APOL3: variants seen among roughly 807,000 people sequenced by gnomAD.
The protein encoded by APOL3 is TNF-inducible protein CG12-1.
A neutral mutation model predicts 11.6 loss-of-function variants in APOL3; 14 were observed. That is an observed-to-expected ratio of 1.21 (90% confidence interval 0.80 to 1.89). The LOEUF (loss-of-function observed/expected upper bound fraction) is 1.89. Ranked by LOEUF, APOL3 falls within the 40% of genes most tolerant of loss-of-function variation. The pLI is 0.00. For missense variants in APOL3, 483 were observed against 492.1 expected (o/e 0.98, Z 0.17); for synonymous variants, 192 against 190.6 (o/e 1.01, Z -0.06).
At position 36,145,454 on chromosome 22, in the gene APOL3, G is replaced by A. The variant is rs1472820055; in HGVS notation, c.350+19C>T. On this transcript the variant is annotated intron_variant, in intron 2 of 2. Coordinates refer to ENST00000349314, the Ensembl canonical transcript of APOL3. ...GGCATAGCCGGGGCGCCCCATGGAG[G>A]TAACCCCACGGAGGTTACCTGGGCA... The A allele has an allele frequency of 1.2e-6, 2 of 1,613,250 alleles. No homozygotes were observed. Among genetic ancestry groups the A allele is most frequent in the Non-Finnish European group, 1.7e-6 (2 of 1,179,548 alleles).
chr22:36,143,345 G>A (rs1435337405), intron 2 of APOL3, among the ~76,000 whole-genome samples: 1 of 152,206 alleles, frequency 6.6e-6, no homozygotes, highest in Non-Finnish European at 1.5e-5. Flanking sequence ...TTTAATCTGT[G>A]TTCTTTCCCT....
At chr22:36,162,387 T>C (rs2013749857), upstream of APOL3, among the ~76,000 whole-genome samples, 1 of 152,238 alleles carries the variant, frequency 6.6e-6, no homozygotes, top group Admixed American at 6.5e-5. Context: ...AAGTTCATTA[T>C]ACCATCATTA....
intron 1 of APOL3, chr22:36,159,471 T>C (rs931472633): frequency 6.6e-6 from 1 of 152,218 alleles, no homozygotes; most frequent in Non-Finnish European, 1.5e-5. Context: ...TCTTCCAGGT[T>C]TGTTTCTGCT....
chr22:36,151,466 T>A (rs1375820196), intron 1 of APOL3, among the ~76,000 whole-genome samples: 1 of 151,982 alleles, frequency 6.6e-6, no homozygotes, highest in Non-Finnish European at 1.5e-5. Context: ...GGAACAAAGA[T>A]GATGGAACAA....
At chr22:36,164,883 A>G (rs2013819567), upstream of APOL3, 1 of 152,184 alleles carries the variant, frequency 6.6e-6, no homozygotes, top group Admixed American at 6.5e-5. Flanking sequence ...GTGTTCCCCC[A>G]TTACATGAAC....
chr22:36,147,021 G>A lies in APOL3; in HGVS notation c.224-1422C>T, dbSNP rs985377499. Reference sequence around the variant, plus strand: ...AAGGAGAAATTGAGACCCAGACAGCGAAAGACACCACCCAACCCAGCAAGC... The same window carrying A: ...AAGGAGAAATTGAGACCCAGACAGCAAAAGACACCACCCAACCCAGCAAGC... On this transcript the variant is annotated intron_variant, in intron 1 of 2. Transcript: ENST00000349314. Among the ~76,000 whole-genome samples, 11 of 152,100 alleles carry A rather than the reference G, an allele frequency of 7.2e-5. No homozygotes were observed. In the South Asian group the frequency reaches 1.5e-3, roughly 20 times the overall value.
chr22:36,166,005 G>C (rs1028398099), exon 1 of APOL3: 2 of 152,168 alleles, frequency 1.3e-5, no homozygotes, highest in African/African-American at 4.8e-5. Flanking sequence ...GGAGTTTTTG[G>C]TAAAGTCTGT....
At chr22:36,159,151 G>A (rs573011821) in intron 1 of APOL3, 1 of 152,348 alleles carries the variant, frequency 6.6e-6, no homozygotes, top group East Asian at 1.9e-4. Context: ...CTGGATCTGA[G>A]AAGCCCATGC....
chr22:36,141,980 C>T (rs2146726438), exon 3 of APOL3: 1 of 1,614,216 alleles, frequency 6.2e-7, no homozygotes, highest in Non-Finnish European at 8.5e-7. Context: ...GCTCATCTTT[C>T]TGCTGCACAT....
chr22:36,155,488 TG>T (rs1429008632), intron 1 of APOL3, among the ~76,000 whole-genome samples: 1 of 152,056 alleles, frequency 6.6e-6, no homozygotes, highest in Non-Finnish European at 1.5e-5. Flanking sequence ...CATGCAACCA[TG>T]GTGACAGTGA....
At chr22:36,147,972 A>T (rs2060280691) in intron 1 of APOL3, among the ~76,000 whole-genome samples, 1 of 152,246 alleles carries the variant, frequency 6.6e-6, no homozygotes, top group East Asian at 1.9e-4. Flanking sequence ...CAGCTGACAG[A>T]CGGGTACACG....
At chr22:36,151,833 G>T (rs1233208477) in intron 1 of APOL3, among the ~76,000 whole-genome samples, 2 of 152,136 alleles carry the variant, frequency 1.3e-5, no homozygotes, top group Non-Finnish European at 2.9e-5. Context: ...CATGCCTCTA[G>T]TCCCAACTAC....
intron 1 of APOL3, among the ~76,000 whole-genome samples, chr22:36,154,223 C>A (rs1020263257): frequency 6.6e-6 from 1 of 152,138 alleles, no homozygotes; most frequent in Admixed American, 6.5e-5. Context: ...TTTTAAGAGC[C>A]CTGGCTGAGG....
At chr22:36,152,787 T>C (rs1322155185) in intron 1 of APOL3, among the ~76,000 whole-genome samples, 1 of 152,098 alleles carries the variant, frequency 6.6e-6, no homozygotes, top group Non-Finnish European at 1.5e-5. Flanking sequence ...AGCATAAGAA[T>C]ATTATGTAAA....
intron 1 of APOL3, among the ~76,000 whole-genome samples, chr22:36,157,403 G>A (rs1033549113): frequency 6.6e-6 from 1 of 152,158 alleles, no homozygotes; most frequent in East Asian, 1.9e-4. Context: ...CCATGAAATA[G>A]GTCCTACATT....
intron 1 of APOL3, among the ~76,000 whole-genome samples, chr22:36,147,530 T>C (rs1420298903): frequency 6.6e-6 from 1 of 152,152 alleles, no homozygotes; most frequent in African/African-American, 2.4e-5. Flanking sequence ...TTCCCTGCCC[T>C]CTCCTCATCT....
In APOL3 at chr22:36,142,290, C is replaced by A. The variant is rs190199353; in HGVS notation, c.351-232G>T. On this transcript the variant is annotated intron_variant, in intron 2 of 2. Coordinates refer to ENST00000349314, the Ensembl canonical transcript of APOL3. ...TGTATGGGAATAAAAAACTTAAAGTCATCTTCAGATGCTCTTTAGTGGTAG... is the reference window on the plus strand; with the variant it reads ...TGTATGGGAATAAAAAACTTAAAGTAATCTTCAGATGCTCTTTAGTGGTAG... Among the ~76,000 whole-genome samples, 5 of 152,268 alleles carry A rather than the reference C, an allele frequency of 3.3e-5. No individual in the cohort carries two copies. The East Asian group carries it at 9.7e-4, about 29-fold the overall frequency.
At chr22:36,154,654 A>G (rs1453047855) in intron 1 of APOL3, 16 of 470,878 alleles carry the variant, frequency 3.4e-5, no homozygotes, top group African/African-American at 3.2e-4. Flanking sequence ...ATGTCACAGA[A>G]TAGTAACCAC....
chr22:36,150,589 G>T (rs1487416379), intron 1 of APOL3, among the ~76,000 whole-genome samples: 1 of 152,212 alleles, frequency 6.6e-6, no homozygotes, highest in Non-Finnish European at 1.5e-5. Context: ...AAATGTGAAT[G>T]GACCAGTTGT....
Sources: allele counts gnomAD v4.1 joint callset (sites outside exome capture counted in the v4.1 genomes callset), GRCh38; gene constraint gnomAD v4.1.1; transcripts MANE v1.5; gene names NCBI Gene and HGNC (gene_info 2026-07-23, HGNC 2026-07-21).